The following STPG2 variants were observed in gnomAD, a reference collection of about 807,000 sequenced individuals.
STPG2 encodes the protein sperm-tail PG-rich repeat-containing protein 2.
Under a neutral mutation model 54.2 loss-of-function variants are expected in STPG2, and 56 were observed. That is an observed-to-expected ratio of 1.03 (90% CI 0.83 to 1.29). The LOEUF is 1.29. Ranked by LOEUF, STPG2 falls within the 50% of genes most tolerant of loss-of-function variation. The pLI, the probability that STPG2 is intolerant of heterozygous loss-of-function variation, is 0.00. For synonymous variants in STPG2, 200 were observed against 181.8 expected, an observed-to-expected ratio of 1.10 and a Z score of -0.81; for missense variants, 596 against 544.9, an observed-to-expected ratio of 1.09 and a Z score of -0.93.
chr4:97,594,674 A>T (rs965286789), intron 10 of STPG2, among the ~76,000 whole-genome samples: 2 of 152,166 alleles, frequency 1.3e-5, no homozygotes, highest in African/African-American at 4.8e-5. Flanking sequence ...ATACAAAATG[A>T]CCATCCCCAA....
intron 8 of STPG2, among the ~76,000 whole-genome samples, chr4:97,849,905 G>T (rs1486220671): frequency 6.6e-6 from 1 of 152,016 alleles, no homozygotes; most frequent in Non-Finnish European, 1.5e-5. Flanking sequence ...ATTTGACCCA[G>T]CCATCTCATT....
At chr4:98,107,656 G>A (rs1739224970) in intron 4 of STPG2, among the ~76,000 whole-genome samples, 1 of 152,030 alleles carries the variant, frequency 6.6e-6, no homozygotes, top group Non-Finnish European at 1.5e-5. Context: ...GGGTACTCAG[G>A]CAGAAGTATA....
At chr4:98,019,115 T>A (rs976054551) in intron 5 of STPG2, among the ~76,000 whole-genome samples, 4 of 152,218 alleles carry the variant, frequency 2.6e-5, no homozygotes, top group African/African-American at 9.7e-5. Flanking sequence ...CTGAATGGTA[T>A]TGCCTAGGTT....
chr4:97,652,473 G>A (rs1722099169), intron 10 of STPG2, among the ~76,000 whole-genome samples: 1 of 151,632 alleles, frequency 6.6e-6, no homozygotes. Flanking sequence ...ACAAAAAAAA[G>A]TACTACAATT....
chr4:98,138,554 G>A (rs980224848), intron 1 of STPG2, among the ~76,000 whole-genome samples: 3 of 151,970 alleles, frequency 2.0e-5, no homozygotes, highest in Admixed American at 6.6e-5. Context: ...CAAAGAAAAC[G>A]GCATTTTTCA....
At chr4:97,973,576 G>GT (rs1560617575) in intron 6 of STPG2, among the ~76,000 whole-genome samples, 1 of 152,198 alleles carries the variant, frequency 6.6e-6, no homozygotes, top group African/African-American at 2.4e-5. Context: ...ATGTCTCCAG[G>GT]TATGTCAGAG....
At position 97,573,765 on chromosome 4, in the gene STPG2, T is replaced by C. The variant is rs180973972; in HGVS notation, c.1321-14648A>G. Reference sequence around the variant, plus strand: ...AGGAAGCATGGCTTAGTGGAAATTATAAAGCATTATGAGCTAATGTGGCAG... The same window carrying C: ...AGGAAGCATGGCTTAGTGGAAATTACAAAGCATTATGAGCTAATGTGGCAG... On this transcript the variant is annotated intron_variant, in intron 10 of 10. Coordinates refer to ENST00000295268, the MANE Select transcript of STPG2 (RefSeq NM_174952.3). Among the ~76,000 whole-genome samples, 478 of 152,242 alleles carry C rather than the reference T, an allele frequency of 3.1e-3. 2 individuals carry two copies. Among genetic ancestry groups the C allele is most frequent in the African/African-American group, 0.011 (440 of 41,564 alleles).
intron 10 of STPG2, among the ~76,000 whole-genome samples, chr4:97,596,125 T>A (rs1453411793): frequency 3.9e-5 from 6 of 152,084 alleles, no homozygotes; most frequent in Non-Finnish European, 8.8e-5. Context: ...CTATTCTAAT[T>A]TCAGATGAAA....
intron 9 of STPG2, among the ~76,000 whole-genome samples, chr4:97,836,500 C>A (rs749638858): frequency 9.9e-5 from 15 of 151,704 alleles, no homozygotes; most frequent in Non-Finnish European, 2.1e-4. Context: ...ATCAAAAAAA[C>A]TCATGTGACT....
At chr4:97,749,292 A>G (rs745861821) in intron 9 of STPG2, among the ~76,000 whole-genome samples, 3 of 151,750 alleles carry the variant, frequency 2.0e-5, no homozygotes, top group Non-Finnish European at 3.0e-5. Flanking sequence ...TATCTTTGTC[A>G]TACTAACACT....
intron 8 of STPG2, among the ~76,000 whole-genome samples, chr4:97,905,250 C>G (rs993024135): frequency 6.6e-6 from 1 of 152,022 alleles, no homozygotes; most frequent in Non-Finnish European, 1.5e-5. Flanking sequence ...AGACTAACAG[C>G]GGATGTCTCG....
chr4:97,711,741 C>T (rs1331183421), intron 10 of STPG2, among the ~76,000 whole-genome samples: 3 of 148,682 alleles, frequency 2.0e-5, no homozygotes, highest in South Asian at 2.1e-4. Flanking sequence ...GCAATTTTGG[C>T]CCACTGCAAA....
chr4:97,994,581 G>C (rs1400909422), intron 5 of STPG2, among the ~76,000 whole-genome samples: 1 of 152,088 alleles, frequency 6.6e-6, no homozygotes, highest in Non-Finnish European at 1.5e-5. Context: ...TTCTCTTCCA[G>C]ATCTAGCCAC....
chr4:97,578,893 C>T (rs1174793074), intron 10 of STPG2, among the ~76,000 whole-genome samples: 1 of 152,004 alleles, frequency 6.6e-6, no homozygotes, highest in African/African-American at 2.4e-5. Context: ...CCTCCACTGG[C>T]TAGGAACTGA....
At chr4:97,520,425 T>G (rs1276214399) in intron 4 of STPG2, among the ~76,000 whole-genome samples, 1 of 152,074 alleles carries the variant, frequency 6.6e-6, no homozygotes, top group Admixed American at 6.6e-5. Flanking sequence ...TACCAGTCTC[T>G]ACTTGTGAAC....
intron 5 of STPG2, among the ~76,000 whole-genome samples, chr4:97,981,649 A>T (rs1190324351): frequency 6.6e-6 from 1 of 151,624 alleles, no homozygotes; most frequent in African/African-American, 2.4e-5. Flanking sequence ...TAATATAAAT[A>T]AAAAACTATA....
chr4:97,910,852 G>A (rs539082594), intron 8 of STPG2, among the ~76,000 whole-genome samples: 83 of 152,228 alleles, frequency 5.5e-4, no homozygotes, highest in African/African-American at 1.9e-3. Context: ...AAAAATTAGG[G>A]GGCAGGCCAA....
intron 5 of STPG2, among the ~76,000 whole-genome samples, chr4:98,021,395 A>G (rs1736184347): frequency 1.3e-5 from 2 of 149,080 alleles, no homozygotes; most frequent in Admixed American, 6.7e-5. Flanking sequence ...AGTTCGTTAT[A>G]ATTTCTGTTC....
chr4:97,681,281 A>G (rs1339429148), intron 10 of STPG2, among the ~76,000 whole-genome samples: 11 of 151,872 alleles, frequency 7.2e-5, no homozygotes, highest in Admixed American at 6.6e-5. Context: ...TCAGAGGTGA[A>G]GAGGTTCATT....
Sources: gnomAD v4.1 joint callset for allele counts (sites outside exome capture counted in the v4.1 genomes callset) on GRCh38, gnomAD v4.1.1 for gene constraint, MANE v1.5 for transcripts, NCBI Gene and HGNC (gene_info 2026-07-23, HGNC 2026-07-21) for gene names.